The following SLC35F4 variants were observed in gnomAD, a reference collection of about 807,000 sequenced individuals.
The protein encoded by SLC35F4 is chromosome 14 open reading frame 36.
SLC35F4 carries 24 observed loss-of-function variants against 44.2 expected under a neutral mutation model. The ratio of observed to expected loss-of-function variants is 0.54; its 90% confidence interval spans 0.39 to 0.76. The LOEUF (loss-of-function observed/expected upper bound fraction) is 0.76. Ranked by LOEUF, SLC35F4 falls within the 30% of genes least tolerant of loss-of-function variation. The probability of loss-of-function intolerance (pLI) is 0.00; values close to 1 mark genes in which losing one functional copy is unlikely to be tolerated. For synonymous variants in SLC35F4, 238 were observed against 223.6 expected (o/e 1.06, Z -0.57); for missense variants, 562 against 586.1 (o/e 0.96, Z 0.42).
intron 1 of SLC35F4, among the ~76,000 whole-genome samples, chr14:57,834,813 A>G (rs1884736655): frequency 1.3e-5 from 2 of 152,318 alleles, no homozygotes; most frequent in South Asian, 4.1e-4. Flanking sequence ...TGAGGTCAGG[A>G]GTTCGAGACC....
intron 1 of SLC35F4, among the ~76,000 whole-genome samples, chr14:57,872,663 G>A (rs1041914743): frequency 1.3e-5 from 2 of 152,094 alleles, no homozygotes; most frequent in Middle Eastern, 3.2e-3. Flanking sequence ...GTAACACTGG[G>A]CAAACCTGTG....
chr14:57,930,024 C>T (rs1233690957), intron 1 of SLC35F4, among the ~76,000 whole-genome samples: 1 of 152,126 alleles, frequency 6.6e-6, no homozygotes, highest in Non-Finnish European at 1.5e-5. Context: ...GGAAGATTGG[C>T]CATATTTTTC....
rs573706846 is a variant in SLC35F4, at chr14:57,915,539, T to C, written n.282+66374A>G. Among the ~76,000 whole-genome samples the C allele has an allele frequency of 3.3e-5, 5 of 152,354 alleles. No homozygotes were observed. The East Asian group carries it at 7.7e-4, about 24-fold the overall frequency. On this transcript the variant is annotated intron_variant and non_coding_transcript_variant, in intron 1 of 1. Coordinates refer to the SLC35F4 transcript ENST00000556568. ...CACTATATGTGGTTAAAAGTAGCCA[T>C]GCAGCAGACTGAATGCTTTGCTACT...
chr14:57,851,391 G>T (rs189393041), intron 1 of SLC35F4, among the ~76,000 whole-genome samples: 1 of 152,240 alleles, frequency 6.6e-6, no homozygotes. Flanking sequence ...GTGCATTTGG[G>T]GGATAGGTGA....
At chr14:57,957,031 GAACT>G (rs1156854278) in intron 1 of SLC35F4, among the ~76,000 whole-genome samples, 1 of 152,088 alleles carries the variant, frequency 6.6e-6, no homozygotes, top group Non-Finnish European at 1.5e-5. Context: ...CTAAGACTTG[GAACT>G]AACCCAAACG....
intron 1 of SLC35F4, among the ~76,000 whole-genome samples, chr14:57,674,034 GAGAA>G (rs936595017): frequency 8.5e-5 from 13 of 152,142 alleles, no homozygotes; most frequent in African/African-American, 2.9e-4. Flanking sequence ...TAAGTAATTA[GAGAA>G]ATACATTTTT....
intron 1 of SLC35F4, among the ~76,000 whole-genome samples, chr14:57,730,359 T>C (rs1437237169): frequency 6.6e-6 from 1 of 151,980 alleles, no homozygotes; most frequent in Non-Finnish European, 1.5e-5. Context: ...TGATACCTCA[T>C]TGTGGTTTTG....
intron 1 of SLC35F4, among the ~76,000 whole-genome samples, chr14:57,952,017 G>A (rs1009979067): frequency 6.6e-6 from 1 of 152,216 alleles, no homozygotes; most frequent in Non-Finnish European, 1.5e-5. Context: ...GGGGTCGACA[G>A]ATACCTCATA....
intron 1 of SLC35F4, chr14:57,631,300 T>G (rs980642952): frequency 1.3e-5 from 2 of 152,158 alleles, no homozygotes; most frequent in Non-Finnish European, 2.9e-5. Context: ...CTTCACTGCT[T>G]TTTTCTGGTT....
chr14:57,931,594 G>A (rs1889697700), intron 1 of SLC35F4, among the ~76,000 whole-genome samples: 1 of 152,102 alleles, frequency 6.6e-6, no homozygotes, highest in Admixed American at 6.5e-5. Context: ...ATAGCTGGGA[G>A]AAAAAAACAA....
At chr14:57,824,401 G>A (rs10145345) in intron 1 of SLC35F4, among the ~76,000 whole-genome samples, 22,644 of 152,030 alleles carry the variant, frequency 0.15, 2,070 homozygotes, top group African/African-American at 0.26. Flanking sequence ...ATGGTAGGTA[G>A]GTAGAAGATA....
chr14:57,890,420 A>G (rs1888736071), intron 1 of SLC35F4, among the ~76,000 whole-genome samples: 1 of 152,228 alleles, frequency 6.6e-6, no homozygotes, highest in Admixed American at 6.5e-5. Context: ...AAATACAGAA[A>G]CCAACAAAGC....
intron 1 of SLC35F4, among the ~76,000 whole-genome samples, chr14:57,858,455 T>C (rs1469072662): frequency 6.6e-6 from 1 of 151,864 alleles, no homozygotes; most frequent in East Asian, 1.9e-4. Flanking sequence ...CTACATGTTC[T>C]CACTCGTAGG....
At chr14:57,788,329 A>G (rs1316067900) in intron 1 of SLC35F4, among the ~76,000 whole-genome samples, 1 of 152,170 alleles carries the variant, frequency 6.6e-6, no homozygotes, top group Non-Finnish European at 1.5e-5. Flanking sequence ...GGGGACATCA[A>G]TACTCCACCG....
chr14:57,680,890 A>G (rs1301364178), intron 1 of SLC35F4, among the ~76,000 whole-genome samples: 1 of 152,122 alleles, frequency 6.6e-6, no homozygotes, highest in Non-Finnish European at 1.5e-5. Flanking sequence ...AAATGGAAAA[A>G]CATTCCATGC....
At chr14:57,714,287 G>A (rs529793473) in intron 1 of SLC35F4, among the ~76,000 whole-genome samples, 1 of 152,216 alleles carries the variant, frequency 6.6e-6, no homozygotes, top group South Asian at 2.1e-4. Flanking sequence ...GAAAATAGGA[G>A]AGTTTTGCCT....
intron 1 of SLC35F4, among the ~76,000 whole-genome samples, chr14:57,761,262 T>G (rs2077118149): frequency 6.6e-6 from 1 of 152,208 alleles, no homozygotes; most frequent in Admixed American, 6.5e-5. Flanking sequence ...GACCTCATCT[T>G]GGTCAGAAGC....
intron 1 of SLC35F4, among the ~76,000 whole-genome samples, chr14:57,650,308 A>C (rs898884514): frequency 6.6e-6 from 1 of 152,068 alleles, no homozygotes; most frequent in Non-Finnish European, 1.5e-5. Context: ...TGGAATGTTT[A>C]ATATTATCCC....
chr14:57,689,325 C>T (rs2075158967), intron 1 of SLC35F4, among the ~76,000 whole-genome samples: 2 of 152,156 alleles, frequency 1.3e-5, no homozygotes, highest in Non-Finnish European at 2.9e-5. Flanking sequence ...TGGAGTCTAT[C>T]CCACCTTTTA....
Sources: gnomAD v4.1 joint callset for allele counts (sites outside exome capture counted in the v4.1 genomes callset) on GRCh38, gnomAD v4.1.1 for gene constraint, MANE v1.5 for transcripts, NCBI Gene and HGNC (gene_info 2026-07-23, HGNC 2026-07-21) for gene names.